Variants in SYNDIG1 observed in about 807,000 individuals in gnomAD.
SYNDIG1 encodes the protein synapse differentiation inducing 1.
In SYNDIG1, 9 loss-of-function variants were observed where a neutral mutation model predicts 19.4. The observed-to-expected ratio is 0.46, with a 90% CI of 0.28 to 0.81. The LOEUF (loss-of-function observed/expected upper bound fraction) is 0.81, where lower values mean the gene tolerates loss of function less well. Ranked by LOEUF, SYNDIG1 falls within the 30% of genes least tolerant of loss-of-function variation. The probability of loss-of-function intolerance (pLI) is 0.12; values close to 1 mark genes in which losing one functional copy is unlikely to be tolerated. For synonymous variants in SYNDIG1, 141 were observed against 145.9 expected, an observed-to-expected ratio of 0.97 and a Z score of 0.24; for missense variants, 311 against 343.3, an observed-to-expected ratio of 0.91 and a Z score of 0.74.
intron 1 of SYNDIG1, among the ~76,000 whole-genome samples, chr20:24,530,804 G>GTTTTTTTTT: frequency 6.7e-6 from 1 of 149,254 alleles, no homozygotes; most frequent in African/African-American, 2.5e-5. Context: ...TGTTTTTTGG[G>GTTTTTTTTT]TTTTTTGTTT....
chr20:24,583,053 G>T (rs1468697159), intron 2 of SYNDIG1, among the ~76,000 whole-genome samples: 1 of 152,220 alleles, frequency 6.6e-6, no homozygotes. Flanking sequence ...ATGAAAATAT[G>T]CCGTACCAGG....
chr20:24,475,953 C>G (rs1336524425), intron 1 of SYNDIG1, among the ~76,000 whole-genome samples: 1 of 151,950 alleles, frequency 6.6e-6, no homozygotes, highest in Non-Finnish European at 1.5e-5. Flanking sequence ...CTCCGCCTCC[C>G]GGGTTCAAGC....
chr20:24,518,529 C>T (rs972994085), intron 1 of SYNDIG1, among the ~76,000 whole-genome samples: 2 of 152,164 alleles, frequency 1.3e-5, no homozygotes, highest in African/African-American at 4.8e-5. Flanking sequence ...CTAAATTGCA[C>T]TTTTTGTCTG....
At chr20:24,477,129 C>T (rs891461010) in intron 1 of SYNDIG1, among the ~76,000 whole-genome samples, 3 of 152,216 alleles carry the variant, frequency 2.0e-5, no homozygotes, top group Non-Finnish European at 4.4e-5. Context: ...TTGCCACATA[C>T]CTTTCCAGGA....
At chr20:24,476,390 G>C (rs916507236) in intron 1 of SYNDIG1, among the ~76,000 whole-genome samples, 6 of 152,030 alleles carry the variant, frequency 3.9e-5, no homozygotes. Context: ...GATATTGGCC[G>C]GGCGCGGTGG....
At chr20:24,503,447 A>G (rs573237115) in intron 1 of SYNDIG1, among the ~76,000 whole-genome samples, 1 of 152,324 alleles carries the variant, frequency 6.6e-6, no homozygotes, top group East Asian at 1.9e-4. Flanking sequence ...AGGGAGACAC[A>G]ATCAGCAGCA....
intron 3 of SYNDIG1, among the ~76,000 whole-genome samples, chr20:24,615,151 G>A (rs6049815): frequency 0.056 from 8,503 of 152,244 alleles, 473 homozygotes; most frequent in African/African-American, 0.14. Context: ...TTTGAACATC[G>A]ATGTAATTGG....
At chr20:24,479,279 T>C (rs1600384221) in intron 1 of SYNDIG1, among the ~76,000 whole-genome samples, 1 of 152,272 alleles carries the variant, frequency 6.6e-6, no homozygotes, top group East Asian at 1.9e-4. Context: ...CTCTGAGACC[T>C]TCTCCCCGAG....
At chr20:24,639,612 T>A (rs2059351225) in intron 3 of SYNDIG1, among the ~76,000 whole-genome samples, 2 of 152,324 alleles carry the variant, frequency 1.3e-5, no homozygotes, top group South Asian at 4.1e-4. Context: ...CAGGACAGAA[T>A]GGCATCCTGC....
chr20:24,524,642 T>C (rs2057080285), intron 1 of SYNDIG1, among the ~76,000 whole-genome samples: 3 of 149,658 alleles, frequency 2.0e-5, no homozygotes, highest in Admixed American at 1.3e-4. Context: ...CGAGACTCTG[T>C]CTCAAAAAAA....
intron 1 of SYNDIG1, among the ~76,000 whole-genome samples, chr20:24,479,952 A>G (rs2146233714): frequency 6.6e-6 from 1 of 152,334 alleles, no homozygotes; most frequent in South Asian, 2.1e-4. Context: ...ATGCACAGGT[A>G]CATGTGCACA....
At chr20:24,574,898 A>G (rs1338674056) in intron 2 of SYNDIG1, among the ~76,000 whole-genome samples, 1 of 152,208 alleles carries the variant, frequency 6.6e-6, no homozygotes, top group Non-Finnish European at 1.5e-5. Flanking sequence ...CTAATCAGAA[A>G]CTTCTCAGAG....
intron 2 of SYNDIG1, among the ~76,000 whole-genome samples, chr20:24,553,835 A>G (rs1178097654): frequency 6.6e-6 from 1 of 152,152 alleles, no homozygotes; most frequent in Non-Finnish European, 1.5e-5. Flanking sequence ...TTTTTTTCCA[A>G]TTCTGTGAAG....
At chr20:24,640,595 A>G (rs534901986) in intron 3 of SYNDIG1, among the ~76,000 whole-genome samples, 1 of 152,144 alleles carries the variant, frequency 6.6e-6, no homozygotes, top group East Asian at 1.9e-4. Context: ...GTGTGGGAAG[A>G]CCTTGTAAAC....
chr20:24,492,125 G>C (rs11907737), intron 1 of SYNDIG1, among the ~76,000 whole-genome samples: 1 of 152,016 alleles, frequency 6.6e-6, no homozygotes, highest in South Asian at 2.1e-4. Flanking sequence ...TGTCGCGTCC[G>C]TGTCCACAGT....
chr20:24,553,066 G>A (rs374989730), intron 2 of SYNDIG1, among the ~76,000 whole-genome samples: 2 of 151,306 alleles, frequency 1.3e-5, no homozygotes, highest in Non-Finnish European at 3.0e-5. Flanking sequence ...GCCAGTGATG[G>A]TGAGCATTTT....
chr20:24,596,640 A>G (rs535125070), intron 3 of SYNDIG1, among the ~76,000 whole-genome samples: 48 of 152,204 alleles, frequency 3.2e-4, no homozygotes, highest in African/African-American at 1.1e-3. Context: ...CGGCCTCCCA[A>G]ACTGCTGGAA....
rs548999888 is a variant in SYNDIG1, at chr20:24,501,770, A to C, written c.-79+32017A>C. The stretch of plus-strand genomic sequence containing the variant: ...TCATGCACTAGACTCTGTCTTACAG[A>C]GTTAAAGAAGCACCCACTTGTGGTG... On this transcript the variant is annotated intron_variant, in intron 1 of 3. Coordinates refer to ENST00000376862, the MANE Select transcript of SYNDIG1 (RefSeq NM_024893.3). 5.3e-5 allele frequency among the ~76,000 whole-genome samples: 8 copies of C among 152,304 alleles called. No homozygotes were observed. The South Asian group carries it at 1.7e-3, about 32-fold the overall frequency.
rs773318413 is a variant in SYNDIG1, at chr20:24,551,223, C to A, written c.480+7646C>A. ...CTTGTTTTAAAGAAAATCTGAAGAT[C>A]GTCCTTTATTCTTGTCCCAGTTTTA... On this transcript the variant is annotated intron_variant, in intron 2 of 3. Transcript: ENST00000376862. Among the ~76,000 whole-genome samples the A allele has an allele frequency of 5.9e-5, 9 of 152,162 alleles. No individual in the cohort carries two copies. In the East Asian group the frequency reaches 1.5e-3, roughly 26 times the overall value.
Sources: gnomAD v4.1 joint callset for allele counts (sites outside exome capture counted in the v4.1 genomes callset) on GRCh38, gnomAD v4.1.1 for gene constraint, MANE v1.5 for transcripts, NCBI Gene and HGNC (gene_info 2026-07-23, HGNC 2026-07-21) for gene names.